The following SENP7 variants were observed in gnomAD, a reference collection of about 807,000 sequenced individuals.
The protein encoded by SENP7 is SUMO specific peptidase 7, also known as sentrin-specific protease 7.
SENP7 carries 64 observed loss-of-function variants against 141.2 expected under a neutral mutation model. The observed-to-expected ratio is 0.45, with a 90% CI of 0.37 to 0.56. The LOEUF is 0.56. SENP7 is among the 20% of genes least tolerant of loss of function. SENP7 has a pLI of 0.00. For missense variants in SENP7, 1,025 were observed against 1,212.2 expected, an observed-to-expected ratio of 0.85 and a Z score of 2.29; for synonymous variants, 382 against 426.4, an observed-to-expected ratio of 0.90 and a Z score of 1.28.
chr3:101,339,336 A>G (rs1302445621), intron 16 of SENP7, among the ~76,000 whole-genome samples: 3 of 152,218 alleles, frequency 2.0e-5, no homozygotes, highest in African/African-American at 7.2e-5. Context: ...GTCTAGAGAT[A>G]CAGTACAAAA....
In SENP7 at chr3:101,399,472, CA is replaced by C. The variant is rs1395561513; in HGVS notation, c.483-418del. ...CTTTGATAAGTAATTTACATACTTG[CA>C]ATTGGGAAATGACAAATAATAAATC... On this transcript the variant is annotated intron_variant, in intron 5 of 23. Transcript: ENST00000394095. Among the ~76,000 whole-genome samples, 4 of 152,128 alleles carry C rather than the reference CA, an allele frequency of 2.6e-5. 1 individual carries two copies. The East Asian group carries it at 7.7e-4, about 29-fold the overall frequency.
intron 4 of SENP7, among the ~76,000 whole-genome samples, chr3:101,428,580 G>A (rs1338148836): frequency 6.6e-6 from 1 of 152,044 alleles, no homozygotes; most frequent in African/African-American, 2.4e-5. Context: ...TAAATTCTTT[G>A]TAGATTCTGG....
In SENP7 at chr3:101,367,942, G is replaced by A. The variant is rs1257368047; in HGVS notation, c.866C>T (p.Ser289Phe). 3 of 1,612,580 alleles carry A rather than the reference G, an allele frequency of 1.9e-6. No homozygotes were observed. Among genetic ancestry groups the A allele is most frequent in the Middle Eastern group, 1.6e-4 (1 of 6,076 alleles). The change falls in exon 8 of 24, where the codon TCT becomes TTT. Residue 289 changes from serine to phenylalanine, a missense_variant. Transcript: ENST00000394095. ...QESRNKDVKY[S>F]DSKVELTLIS... is the part of the protein sequence containing the mutation. Reference sequence around the variant, plus strand: ...CAGAGTGAGTTCCACTTTTGAATCAGAATATTTAACATCCTTGTTTCTGCT... The same window carrying A: ...CAGAGTGAGTTCCACTTTTGAATCAAAATATTTAACATCCTTGTTTCTGCT...
At chr3:101,444,883 A>G (rs1379590930) in intron 4 of SENP7, among the ~76,000 whole-genome samples, 3 of 151,506 alleles carry the variant, frequency 2.0e-5, no homozygotes, top group Non-Finnish European at 4.4e-5. Flanking sequence ...CCTAAAACTT[A>G]AAGTATAATA....
At chr3:101,331,813 C>A (rs1158742504) in intron 19 of SENP7, among the ~76,000 whole-genome samples, 172 bp downstream of exon 19, 1 of 152,012 alleles carries the variant, frequency 6.6e-6, no homozygotes, top group African/African-American at 2.4e-5. Context: ...AACAGTACAA[C>A]TTCAGAATTA....
intron 3 of SENP7, among the ~76,000 whole-genome samples, chr3:101,483,872 A>C (rs1481577302): frequency 6.6e-6 from 1 of 152,068 alleles, no homozygotes; most frequent in Non-Finnish European, 1.5e-5. Flanking sequence ...AAATACAAAA[A>C]TTAGCCAGGT....
At chr3:101,491,448 A>G (rs112302951) in intron 3 of SENP7, among the ~76,000 whole-genome samples, 3,104 of 61,906 alleles carry the variant, frequency 0.05, 6 homozygotes, top group Admixed American at 0.082. Flanking sequence ...AGTAGAAACA[A>G]GATCTCGCTA....
chr3:101,453,700 A>G (rs1382716213), intron 4 of SENP7, among the ~76,000 whole-genome samples: 5 of 150,730 alleles, frequency 3.3e-5, no homozygotes, highest in Non-Finnish European at 7.4e-5. Flanking sequence ...GGAACATCAC[A>G]CACCGGGGCC....
chr3:101,508,120 G>C (rs1340856673), intron 1 of SENP7, among the ~76,000 whole-genome samples: 1 of 148,372 alleles, frequency 6.7e-6, no homozygotes, highest in Non-Finnish European at 1.5e-5. Context: ...ACTGACCCAA[G>C]ATCCTTTCCA....
At chr3:101,412,521 C>T (rs1285145036) in intron 5 of SENP7, among the ~76,000 whole-genome samples, 1 of 151,934 alleles carries the variant, frequency 6.6e-6, no homozygotes, top group Non-Finnish European at 1.5e-5. Flanking sequence ...ATAGTTTTAC[C>T]ATCACATATC....
intron 3 of SENP7, among the ~76,000 whole-genome samples, chr3:101,463,706 C>A (rs1217236813): frequency 6.6e-6 from 1 of 151,604 alleles, no homozygotes; most frequent in Non-Finnish European, 1.5e-5. Flanking sequence ...ATATAAAAAG[C>A]CTAGGAAATC....
At chr3:101,393,532 G>A (rs2060876696) in intron 6 of SENP7, among the ~76,000 whole-genome samples, 1 of 152,068 alleles carries the variant, frequency 6.6e-6, no homozygotes, top group African/African-American at 2.4e-5. Context: ...ATGGGTAACA[G>A]AATGAATAGA....
intron 12 of SENP7, among the ~76,000 whole-genome samples, chr3:101,349,086 G>T (rs538247869): frequency 1.3e-5 from 2 of 152,254 alleles, no homozygotes; most frequent in South Asian, 4.1e-4. Flanking sequence ...GCAGATCTCA[G>T]TTTAATAGCC....
At chr3:101,345,276 A>G (rs2059429067) in intron 13 of SENP7, among the ~76,000 whole-genome samples, 1 of 152,086 alleles carries the variant, frequency 6.6e-6, no homozygotes, top group Admixed American at 6.6e-5. Flanking sequence ...TGGGAATTGC[A>G]TTGAATTTGT....
Position 101,347,924 on chromosome 3 carries a change from A to C in SENP7, c.1785T>G (p.Asp595Glu). Residue 595 changes from aspartate (D) to glutamate (E), a missense_variant, in exon 13 of 24, where the codon GAT becomes GAG. Transcript: ENST00000394095. ...ATTGGGTCTGAATCTCTTGAAGATA[A>C]TCTGAAGAGACCCAGAAGAAAAGAA... Reference protein sequence around the residue: ...HAILFFWVSSDYLQEIQTQLE... With the variant: ...HAILFFWVSSEYLQEIQTQLE... The C allele has an allele frequency of 6.2e-7, 1 of 1,607,228 alleles. No homozygotes were observed. The highest frequency in any genetic ancestry group is 8.5e-7 in the Non-Finnish European group (1 of 1,175,024).
intron 3 of SENP7, among the ~76,000 whole-genome samples, chr3:101,463,366 T>TAAATATATATATAC (rs796724812): frequency 3.2e-5 from 2 of 62,364 alleles, no homozygotes; most frequent in African/African-American, 6.7e-5. Flanking sequence ...AATAAATAAA[T>TAAATATATATATAC]ATATATATAT....
intron 4 of SENP7, among the ~76,000 whole-genome samples, chr3:101,428,742 G>A (rs2062050229): frequency 6.6e-6 from 1 of 152,128 alleles, no homozygotes; most frequent in Non-Finnish European, 1.5e-5. Context: ...ATTGCTTTTG[G>A]TGTTTTAGTC....
intron 4 of SENP7, among the ~76,000 whole-genome samples, chr3:101,435,869 A>G (rs1193142985): frequency 1.3e-5 from 2 of 152,156 alleles, no homozygotes; most frequent in African/African-American, 4.8e-5. Context: ...TACAGATTCA[A>G]TGCAATCCCC....
At chr3:101,495,102 A>G (rs2065111185) in intron 2 of SENP7, among the ~76,000 whole-genome samples, 1 of 152,160 alleles carries the variant, frequency 6.6e-6, no homozygotes, top group Non-Finnish European at 1.5e-5. Context: ...CCCATTAAAA[A>G]GTGGGCAAAG....
Sources: gnomAD v4.1 joint callset for allele counts (sites outside exome capture counted in the v4.1 genomes callset) on GRCh38, gnomAD v4.1.1 for gene constraint, MANE v1.5 for transcripts, NCBI Gene and HGNC (gene_info 2026-07-23, HGNC 2026-07-21) for gene names.